Variants in CCM2L observed in about 807,000 individuals in gnomAD.
CCM2L encodes the protein cerebral cavernous malformations 2 protein-like.
CCM2L carries 36 observed loss-of-function variants against 54.1 expected under a neutral mutation model. The ratio of observed to expected loss-of-function variants is 0.67; its 90% CI spans 0.51 to 0.88. The LOEUF (loss-of-function observed/expected upper bound fraction) is 0.88. CCM2L is among the 40% of genes least tolerant of loss of function. CCM2L has a pLI of 0.00. For missense variants in CCM2L, 700 were observed against 812.1 expected (o/e 0.86, Z 1.68); for synonymous variants, 351 against 359.3 (o/e 0.98, Z 0.26).
intron 1 of CCM2L, 64 bp downstream of exon 1, chr20:32,010,548 A>AG: frequency 2.6e-6 from 1 of 385,266 alleles, no homozygotes; most frequent in Non-Finnish European, 4.2e-6. Flanking sequence ...AAGGGGGCAA[A>AG]CTGGGGCGGG....
Position 32,024,022 on chromosome 20 carries a change from C to T in CCM2L, c.1069+1227C>T, listed in dbSNP as rs556682262. 3.3e-5 allele frequency among the ~76,000 whole-genome samples: 5 copies of T among 152,202 alleles called. No individual in the cohort carries two copies. The East Asian group carries it at 7.7e-4, about 23-fold the overall frequency. On this transcript the variant is annotated intron_variant, in intron 6 of 9. Coordinates refer to ENST00000452892, the MANE Select transcript of CCM2L (RefSeq NM_001365692.1). ...TGCTGGGATTACAGGTATGAGCCAC[C>T]GCGCCTGGCCACGATTCCAGTTTTA... is the stretch of plus-strand genomic sequence containing the variant.
At chr20:32,029,274 C>A in intron 8 of CCM2L, 150 bp downstream of exon 8, 1 of 1,104,744 alleles carries the variant, frequency 9.1e-7, no homozygotes, top group South Asian at 1.5e-5. Flanking sequence ...TAAACTGAGG[C>A]CAGCTTGTGA....
At chr20:32,018,802 C>T in intron 4 of CCM2L, 141 bp from the exon 5 acceptor site, 2 of 1,081,056 alleles carry the variant, frequency 1.9e-6, no homozygotes, top group Non-Finnish European at 2.3e-6. Flanking sequence ...GGGCGGGGAA[C>T]CGCCGCGCTA....
intron 5 of CCM2L, 95 bp from the exon 6 acceptor site, chr20:32,022,565 T>A (rs879140176): frequency 1.4e-5 from 21 of 1,451,126 alleles, no homozygotes; most frequent in Admixed American, 1.9e-5. Flanking sequence ...TAGGTGTGTA[T>A]CTTTGTGCGC....
At chr20:32,028,913 G>A in intron 7 of CCM2L, 82 bp from the exon 8 acceptor site, 3 of 1,574,280 alleles carry the variant, frequency 1.9e-6, no homozygotes, top group Non-Finnish European at 2.6e-6. Flanking sequence ...TGCAGTCTAG[G>A]ATGAGGCCTC....
In CCM2L at chr20:32,014,264, T is replaced by A. The variant is rs372050018; in HGVS notation, c.31-640T>A. On this transcript the variant is annotated intron_variant, in intron 1 of 9. Transcript: ENST00000452892. ...GTGTGTACATATATATATATATATT[T>A]TTTTTTTTTTTTTGAGACAGAGTCT... Among the ~76,000 whole-genome samples the A allele has an allele frequency of 6.3e-3, 759 of 120,128 alleles. 2 individuals carry two copies. Among genetic ancestry groups the A allele is most frequent in the Middle Eastern group, 0.013 (3 of 224 alleles). The allele number at this position is 120,128 out of a possible 152,430, so 78.8% of individuals were successfully genotyped here. A position where few individuals can be genotyped will look rare whatever the true frequency, so the allele number is the denominator to read the frequency against.
At chr20:32,027,467 T>G (rs2064873540) in intron 7 of CCM2L, among the ~76,000 whole-genome samples, 1 of 152,270 alleles carries the variant, frequency 6.6e-6, no homozygotes, top group Non-Finnish European at 1.5e-5. Context: ...CTACTGTTTA[T>G]TGCTTATAGC....
chr20:32,019,460 T>TGG, intron 5 of CCM2L, 51 bp downstream of exon 5: 3 of 1,327,562 alleles, frequency 2.3e-6, no homozygotes, highest in East Asian at 3.1e-5. Context: ...GAACGCTGCT[T>TGG]CCCCGCCCCC....
intron 1 of CCM2L, among the ~76,000 whole-genome samples, chr20:32,013,440 G>T (rs1486619538): frequency 3.9e-5 from 6 of 151,910 alleles, no homozygotes; most frequent in African/African-American, 1.5e-4. Flanking sequence ...GGGGGGGTGG[G>T]GGTTGTTTGT....
intron 7 of CCM2L, among the ~76,000 whole-genome samples, chr20:32,026,172 G>A (rs1443100415): frequency 6.6e-6 from 1 of 152,208 alleles, no homozygotes; most frequent in Non-Finnish European, 1.5e-5. Flanking sequence ...TCCAGGCACA[G>A]TGGTCTGCAG....
intron 2 of CCM2L, 99 bp from the exon 3 acceptor site, chr20:32,017,701 A>G: frequency 1.1e-6 from 1 of 940,946 alleles, no homozygotes; most frequent in Non-Finnish European, 1.8e-6. Flanking sequence ...ATGTATTTCT[A>G]TCTCAATCTA....
chr20:32,029,651 G>A (rs367585529), intron 8 of CCM2L, 49 bp from the exon 9 acceptor site: 1 of 1,559,292 alleles, frequency 6.4e-7, no homozygotes, highest in Non-Finnish European at 8.7e-7. Flanking sequence ...GGCAGGGGTT[G>A]GGTGGCGCTG....
intron 7 of CCM2L, among the ~76,000 whole-genome samples, 195 bp downstream of exon 7, chr20:32,026,114 C>T (rs1338548966): frequency 2.0e-5 from 3 of 152,144 alleles, no homozygotes; most frequent in Non-Finnish European, 4.4e-5. Context: ...CAGGAGACAC[C>T]AGAACTCAGA....
chr20:32,032,103 TTAC>T lies in CCM2L; in HGVS notation c.*791_*793del, dbSNP rs1239455640. 6.6e-6 allele frequency: 1 copy of T among 152,200 alleles called. No homozygotes were observed. The highest frequency in any genetic ancestry group is 1.5e-5 in the Non-Finnish European group (1 of 68,070). The allele number at this position is 152,200 out of a possible 1,614,324, so 9.4% of individuals were successfully genotyped here. ...CCACCTAACAGGGTGGCCACAGGGA[TTAC>T]TGAGGGTTAAGACCTTAGAACTGGG... On this transcript the variant is annotated 3_prime_UTR_variant, in exon 10 of 10. Coordinates refer to ENST00000452892, the MANE Select transcript of CCM2L (RefSeq NM_001365692.1).
intron 9 of CCM2L, 57 bp from the exon 10 acceptor site, chr20:32,030,944 C>T (rs1458177967): frequency 1.6e-6 from 2 of 1,283,842 alleles, no homozygotes; most frequent in Middle Eastern, 2.2e-4. Context: ...GGACGCTTCC[C>T]CTGTGGAAGG....
At chr20:32,015,859 C>CTTCTTTTTT (rs1462683927) in intron 2 of CCM2L, among the ~76,000 whole-genome samples, 1 of 127,924 alleles carries the variant, frequency 7.8e-6, no homozygotes. Flanking sequence ...AGCTGTACTT[C>CTTCTTTTTT]TTTTTTTTTT....
At chr20:32,024,642 C>T (rs1208703484) in intron 6 of CCM2L, among the ~76,000 whole-genome samples, 1 of 152,192 alleles carries the variant, frequency 6.6e-6, no homozygotes, top group Non-Finnish European at 1.5e-5. Context: ...GCCTGGCCAA[C>T]ATGGTGAAAA....
chr20:32,028,850 T>C, intron 7 of CCM2L, 145 bp from the exon 8 acceptor site: 1 of 987,276 alleles, frequency 1.0e-6, no homozygotes, highest in Non-Finnish European at 1.5e-6. Context: ...CAGTGACAGA[T>C]GAGACTTGAG....
intron 1 of CCM2L, among the ~76,000 whole-genome samples, chr20:32,010,880 C>T (rs895738728): frequency 1.3e-5 from 2 of 152,266 alleles, no homozygotes; most frequent in Admixed American, 6.5e-5. Flanking sequence ...AAGGACTCAG[C>T]CAGGGCAATT....
Sources: allele counts gnomAD v4.1 joint callset (sites outside exome capture counted in the v4.1 genomes callset), GRCh38; gene constraint gnomAD v4.1.1; transcripts MANE v1.5; gene names NCBI Gene and HGNC (gene_info 2026-07-23, HGNC 2026-07-21).